Variants in PPP1R9A observed in about 807,000 individuals in gnomAD.
The protein encoded by PPP1R9A is protein phosphatase 1 regulatory subunit 9A, also known as neurabin-1.
In PPP1R9A, 59 loss-of-function variants were observed where a neutral mutation model predicts 141.9. The observed-to-expected ratio is 0.42, with a 90% CI of 0.34 to 0.52. The LOEUF (loss-of-function observed/expected upper bound fraction) is 0.52, where lower values mean the gene tolerates loss of function less well. PPP1R9A is among the 20% of genes least tolerant of loss of function. PPP1R9A has a pLI of 0.10. For missense variants in PPP1R9A, 1,444 were observed against 1,611.9 expected (o/e 0.90, Z 1.78); for synonymous variants, 500 against 569.7 (o/e 0.88, Z 1.74).
rs192126836 is a variant in PPP1R9A at position 95,202,577 on chromosome 7, A to G, written c.1891-1088A>G. On this transcript the variant is annotated intron_variant, in intron 6 of 19. Coordinates refer to ENST00000433360, the MANE Select transcript of PPP1R9A (RefSeq NM_001166160.2). ...TTTTTTAATAATCTGAAAGGTTGCC[A>G]TGGAGGATTTCAATAAATCTCTCAG... 1.3e-4 allele frequency: 116 copies of G among 903,570 alleles called. 4 individuals are homozygous for G. In the Admixed American group the frequency reaches 6.5e-3, roughly 51 times the overall value. The allele number at this position is 903,570 out of a possible 1,614,324, so 56.0% of individuals were successfully genotyped here.
intron 2 of PPP1R9A, among the ~76,000 whole-genome samples, chr7:94,944,037 T>A (rs2150969388): frequency 6.6e-6 from 1 of 152,256 alleles, no homozygotes; most frequent in Admixed American, 6.5e-5. Context: ...TGATATATAA[T>A]AGTTGTATAC....
rs1835457605 is a variant in PPP1R9A at position 95,191,296 on chromosome 7, G to C, written c.1755-7053G>C. ...GTATCTCAACATGAAGGGGAGAGAGGGCAGTTCTTAGTGAAATAATGCACA... is the reference window on the plus strand; with the variant it reads ...GTATCTCAACATGAAGGGGAGAGAGCGCAGTTCTTAGTGAAATAATGCACA... On this transcript the variant is annotated intron_variant, in intron 5 of 19. Transcript: ENST00000433360. 2.6e-5 allele frequency among the ~76,000 whole-genome samples: 4 copies of C among 151,990 alleles called. 1 individual carries two copies. In the South Asian group the frequency reaches 8.3e-4, roughly 31 times the overall value.
intron 2 of PPP1R9A, among the ~76,000 whole-genome samples, chr7:94,912,537 A>G (rs941732664): frequency 1.3e-5 from 2 of 152,154 alleles, no homozygotes; most frequent in East Asian, 3.8e-4. Context: ...GGAATTTGAT[A>G]TATTCCTGTA....
intron 7 of PPP1R9A, among the ~76,000 whole-genome samples, chr7:95,215,530 C>T (rs1793171039): frequency 1.3e-5 from 2 of 152,130 alleles, no homozygotes; most frequent in South Asian, 4.1e-4. Flanking sequence ...AGTTCTAGAT[C>T]CTTGAGGAAT....
intron 2 of PPP1R9A, among the ~76,000 whole-genome samples, chr7:95,092,579 A>G (rs1002566950): frequency 9.2e-5 from 14 of 152,222 alleles, no homozygotes; most frequent in African/African-American, 3.4e-4. Context: ...CAGAACTTCC[A>G]AAAGAACTGC....
At chr7:95,141,382 T>A (rs1826653348) in intron 4 of PPP1R9A, among the ~76,000 whole-genome samples, 1 of 152,226 alleles carries the variant, frequency 6.6e-6, no homozygotes, top group Non-Finnish European at 1.5e-5. Flanking sequence ...TTTACTCATT[T>A]AAAGTGTACA....
At chr7:95,261,893 C>G (rs1800482761) in intron 12 of PPP1R9A, among the ~76,000 whole-genome samples, 1 of 152,126 alleles carries the variant, frequency 6.6e-6, no homozygotes, top group Non-Finnish European at 1.5e-5. Flanking sequence ...CTTACATTTT[C>G]TAATGCTTTA....
At chr7:95,201,065 G>GTT (rs76677860) in intron 6 of PPP1R9A, among the ~76,000 whole-genome samples, 15,707 of 152,134 alleles carry the variant, frequency 0.1, 946 homozygotes, top group Non-Finnish European at 0.14. Context: ...CGGTGATGGA[G>GTT]TTTAGGTTCT....
chr7:95,081,573 T>C (rs79439034), intron 2 of PPP1R9A, among the ~76,000 whole-genome samples: 10,153 of 152,106 alleles, frequency 0.067, 424 homozygotes, highest in African/African-American at 0.12. Flanking sequence ...ATAGAAACTT[T>C]CCAAAATTAA....
At chr7:95,217,469 A>G (rs999064531) in intron 7 of PPP1R9A, among the ~76,000 whole-genome samples, 5 of 152,074 alleles carry the variant, frequency 3.3e-5, no homozygotes, top group African/African-American at 9.7e-5. Flanking sequence ...TGGCATCAGG[A>G]TGATGCTGGC....
chr7:95,199,064 T>C (rs901214315), intron 6 of PPP1R9A, among the ~76,000 whole-genome samples: 1 of 152,196 alleles, frequency 6.6e-6, no homozygotes, highest in Non-Finnish European at 1.5e-5. Flanking sequence ...CAGATACATA[T>C]TGGAATAATT....
intron 2 of PPP1R9A, among the ~76,000 whole-genome samples, chr7:95,073,604 G>T (rs1242232604): frequency 1.4e-5 from 2 of 143,766 alleles, no homozygotes; most frequent in Non-Finnish European, 3.0e-5. Context: ...GTTATTCAAT[G>T]CAATACCTGA....
At chr7:94,999,776 A>ATTTT (rs369699969) in intron 2 of PPP1R9A, among the ~76,000 whole-genome samples, 2,284 of 129,290 alleles carry the variant, frequency 0.018, 65 homozygotes, top group African/African-American at 0.065. Context: ...GAGATATCTT[A>ATTTT]TTTTATTTAT....
chr7:95,143,836 CT>C (rs1827123716), intron 4 of PPP1R9A, among the ~76,000 whole-genome samples: 1 of 151,542 alleles, frequency 6.6e-6, no homozygotes, highest in African/African-American at 2.4e-5. Context: ...CCCAAATCGT[CT>C]TTTAATTTTT....
chr7:94,919,458 T>G (rs1022809089), intron 2 of PPP1R9A, among the ~76,000 whole-genome samples: 1 of 152,112 alleles, frequency 6.6e-6, no homozygotes, highest in Admixed American at 6.5e-5. Context: ...ATAGGGTTTC[T>G]TTAAAGGTAC....
At chr7:95,199,122 C>G (rs986908517) in intron 6 of PPP1R9A, among the ~76,000 whole-genome samples, 5 of 152,132 alleles carry the variant, frequency 3.3e-5, no homozygotes, top group Admixed American at 3.3e-4. Context: ...TAGAAGCTAA[C>G]CCCCAAGTGA....
chr7:95,009,317 A>T (rs986577062), intron 2 of PPP1R9A, among the ~76,000 whole-genome samples: 1 of 152,162 alleles, frequency 6.6e-6, no homozygotes, highest in South Asian at 2.1e-4. Flanking sequence ...AATATATATT[A>T]AAAAAAGACT....
intron 2 of PPP1R9A, among the ~76,000 whole-genome samples, chr7:95,110,262 A>G (rs1020663089): frequency 2.6e-5 from 4 of 152,216 alleles, no homozygotes; most frequent in African/African-American, 9.6e-5. Flanking sequence ...TTTGTAGGAA[A>G]TAGACATGAT....
At chr7:95,080,808 G>A (rs1270985624) in intron 2 of PPP1R9A, among the ~76,000 whole-genome samples, 1 of 152,126 alleles carries the variant, frequency 6.6e-6, no homozygotes, top group Non-Finnish European at 1.5e-5. Flanking sequence ...TTTTTGGGTG[G>A]CATATTCTGG....
Sources: allele counts gnomAD v4.1 joint callset (sites outside exome capture counted in the v4.1 genomes callset), GRCh38; gene constraint gnomAD v4.1.1; transcripts MANE v1.5; gene names NCBI Gene and HGNC (gene_info 2026-07-23, HGNC 2026-07-21).